Variants in TCERG1L observed in about 807,000 individuals in gnomAD.
The protein encoded by TCERG1L is transcription elongation regulator 1-like protein.
Under a neutral mutation model 56.3 loss-of-function variants are expected in TCERG1L, and 37 were observed. The observed-to-expected ratio is 0.66, with a 90% CI of 0.51 to 0.87. TCERG1L has a LOEUF of 0.87. TCERG1L is among the 40% of genes least tolerant of loss of function. The pLI, the probability that TCERG1L is intolerant of heterozygous loss-of-function variation, is 0.00. For synonymous variants in TCERG1L, 324 were observed against 326.3 expected, an observed-to-expected ratio of 0.99 and a Z score of 0.08; for missense variants, 799 against 774.2, an observed-to-expected ratio of 1.03 and a Z score of -0.38.
At chr10:131,253,597 C>T (rs755799120) in intron 4 of TCERG1L, among the ~76,000 whole-genome samples, 6 of 152,106 alleles carry the variant, frequency 3.9e-5, no homozygotes, top group African/African-American at 9.7e-5. Flanking sequence ...CCGTGCTGAA[C>T]GCTTCCTGAC....
At chr10:131,152,982 C>T (rs1845881672) in intron 6 of TCERG1L, among the ~76,000 whole-genome samples, 1 of 152,168 alleles carries the variant, frequency 6.6e-6, no homozygotes, top group Non-Finnish European at 1.5e-5. Context: ...CTGCTCCTGC[C>T]CTTGACACAT....
chr10:131,244,689 C>T (rs140971669), intron 4 of TCERG1L, among the ~76,000 whole-genome samples: 2 of 152,064 alleles, frequency 1.3e-5, no homozygotes, highest in Non-Finnish European at 2.9e-5. Context: ...GTTAGGATGG[C>T]CAATTGGGGA....
At chr10:131,134,859 C>G (rs1437754096) in intron 7 of TCERG1L, among the ~76,000 whole-genome samples, 1 of 152,172 alleles carries the variant, frequency 6.6e-6, no homozygotes, top group Non-Finnish European at 1.5e-5. Context: ...TGGCCCCCAG[C>G]AGCACCTCCA....
intron 4 of TCERG1L, among the ~76,000 whole-genome samples, chr10:131,240,803 A>G (rs997983114): frequency 2.0e-5 from 3 of 152,214 alleles, no homozygotes; most frequent in African/African-American, 7.2e-5. Flanking sequence ...CCTCTCACAG[A>G]TGAGAGAGAA....
intron 4 of TCERG1L, among the ~76,000 whole-genome samples, chr10:131,174,241 C>T (rs1463687981): frequency 6.6e-6 from 1 of 152,180 alleles, no homozygotes; most frequent in South Asian, 2.1e-4. Flanking sequence ...AGCACTGGGG[C>T]AGGAGGGTGG....
Position 131,137,890 on chromosome 10 carries a change from C to T in TCERG1L, c.1190-3442G>A, listed in dbSNP as rs368865804. On this transcript the variant is annotated intron_variant, in intron 7 of 11. Coordinates refer to ENST00000368642, the MANE Select transcript of TCERG1L (RefSeq NM_174937.4). Reference sequence around the variant, plus strand: ...CTGGTTGGGTCTCCACCAAGACTGCCGTCAAGCTGTAGGGGGATTAGAAGT... The same window carrying T: ...CTGGTTGGGTCTCCACCAAGACTGCTGTCAAGCTGTAGGGGGATTAGAAGT... 3.9e-5 allele frequency among the ~76,000 whole-genome samples: 6 copies of T among 152,280 alleles called. No homozygotes were observed. In the East Asian group the frequency reaches 1.2e-3, roughly 29 times the overall value.
chr10:131,096,935 C>A (rs1407172277), intron 11 of TCERG1L, among the ~76,000 whole-genome samples: 1 of 150,304 alleles, frequency 6.7e-6, no homozygotes, highest in Non-Finnish European at 1.5e-5. Flanking sequence ...CATGGTGTCT[C>A]ACGCCTGTAA....
intron 9 of TCERG1L, among the ~76,000 whole-genome samples, chr10:131,109,556 C>A (rs1845390263): frequency 6.6e-6 from 1 of 152,186 alleles, no homozygotes; most frequent in Non-Finnish European, 1.5e-5. Flanking sequence ...GTTCTGTCCC[C>A]CCGGCTGGAG....
chr10:131,244,154 C>T lies in TCERG1L; in HGVS notation c.856+16105G>A, dbSNP rs573064825. On this transcript the variant is annotated intron_variant, in intron 4 of 11. Transcript: ENST00000368642. ...CGCAAGACATAAAATAAAAGTGCAT[C>T]GATCGGAAGAGGCTGCCCGTGGGGT... Among the ~76,000 whole-genome samples, 23 of 152,336 alleles carry T rather than the reference C, an allele frequency of 1.5e-4. No homozygotes were observed. The South Asian group carries it at 3.9e-3, about 26-fold the overall frequency.
intron 8 of TCERG1L, among the ~76,000 whole-genome samples, chr10:131,130,164 A>AGAC (rs1845602427): frequency 6.6e-6 from 1 of 151,926 alleles, no homozygotes; most frequent in African/African-American, 2.4e-5. Context: ...TGGAGGTGAA[A>AGAC]GACGCATGTT....
At chr10:131,284,468 T>G (rs888313658) in intron 3 of TCERG1L, among the ~76,000 whole-genome samples, 1 of 151,808 alleles carries the variant, frequency 6.6e-6, no homozygotes, top group East Asian at 1.9e-4. Flanking sequence ...ATAATTAATG[T>G]GCAAATATAC....
intron 4 of TCERG1L, among the ~76,000 whole-genome samples, chr10:131,179,118 T>C (rs1246695572): frequency 6.6e-6 from 1 of 152,134 alleles, no homozygotes; most frequent in East Asian, 1.9e-4. Context: ...TGCCCGGCTC[T>C]CTCCACGGGC....
rs2133391651 is a variant in TCERG1L, at chr10:131,118,496, CCTGCTAA to C, written c.1260-1569_1260-1563del. Among the ~76,000 whole-genome samples the C allele has an allele frequency of 6.6e-6, 1 of 152,252 alleles. No individual in the cohort carries two copies. Among genetic ancestry groups the C allele is most frequent in the Non-Finnish European group, 1.5e-5 (1 of 68,010 alleles). On this transcript the variant is annotated intron_variant, in intron 8 of 11. Transcript: ENST00000368642. The surrounding 1 kb of genome is among the most constrained non-coding windows in gnomAD (Gnocchi z 4.2). ...TGCATTGCCCAATGTGAGCAACGGTCCTGCTAAACTGATTAGCCATAGTCTTCCCTAC... is the reference window on the plus strand; with the variant it reads ...TGCATTGCCCAATGTGAGCAACGGTCACTGATTAGCCATAGTCTTCCCTAC...
intron 4 of TCERG1L, among the ~76,000 whole-genome samples, chr10:131,204,478 C>T (rs1033262805): frequency 6.6e-6 from 1 of 152,116 alleles, no homozygotes; most frequent in Non-Finnish European, 1.5e-5. Context: ...CCATCCACCC[C>T]AAATGCCAGA....
chr10:131,112,182 C>CCCAG (rs1334046041), intron 9 of TCERG1L, among the ~76,000 whole-genome samples: 1 of 142,942 alleles, frequency 7.0e-6, no homozygotes, highest in Non-Finnish European at 1.6e-5. Context: ...GGGGCCTGAG[C>CCCAG]CCAGGGTCTC....
chr10:131,235,877 A>G (rs1232852658), intron 4 of TCERG1L, among the ~76,000 whole-genome samples: 1 of 152,246 alleles, frequency 6.6e-6, no homozygotes, highest in Non-Finnish European at 1.5e-5. Flanking sequence ...AAATGCATTC[A>G]TCTATTTCTT....
chr10:131,194,738 C>T (rs1468142082), intron 4 of TCERG1L, among the ~76,000 whole-genome samples: 3 of 152,264 alleles, frequency 2.0e-5, no homozygotes, highest in African/African-American at 7.2e-5. Flanking sequence ...TTTCACCAGG[C>T]GGCTGCCCTG....
intron 4 of TCERG1L, among the ~76,000 whole-genome samples, chr10:131,177,117 TAC>T (rs146203158): frequency 1.3e-4 from 13 of 102,374 alleles, no homozygotes; most frequent in African/African-American, 5.2e-4. Flanking sequence ...CAGACACGTG[TAC>T]ACACAGAGAT....
At chr10:131,107,706 T>TG (rs1419542153) in intron 9 of TCERG1L, among the ~76,000 whole-genome samples, 1 of 151,858 alleles carries the variant, frequency 6.6e-6, no homozygotes, top group Admixed American at 6.5e-5. Flanking sequence ...GTACATTCCA[T>TG]GGGGCCACGA....
Sources: allele counts gnomAD v4.1 joint callset (sites outside exome capture counted in the v4.1 genomes callset), GRCh38; gene constraint gnomAD v4.1.1; non-coding constraint Gnocchi (gnomAD v3.1); transcripts MANE v1.5; gene names NCBI Gene and HGNC (gene_info 2026-07-23, HGNC 2026-07-21).